The following CCDC146 variants were observed in gnomAD, a reference collection of about 807,000 sequenced individuals.
CCDC146 encodes the protein coiled-coil domain-containing protein 146.
Under a neutral mutation model 119.3 loss-of-function variants are expected in CCDC146, and 92 were observed. The ratio of observed to expected loss-of-function variants is 0.77; its 90% CI spans 0.65 to 0.92. CCDC146 has a LOEUF of 0.92. Ranked by LOEUF, CCDC146 falls within the 40% of genes least tolerant of loss-of-function variation. The pLI is 0.00. For missense variants in CCDC146, 1,000 were observed against 1,103.0 expected, an observed-to-expected ratio of 0.91 and a Z score of 1.32; for synonymous variants, 372 against 371.8, an observed-to-expected ratio of 1.00 and a Z score of -0.01.
At chr7:77,242,408 T>A in intron 4 of CCDC146, 28 of 985,196 alleles carry the variant, frequency 2.8e-5, no homozygotes, top group Non-Finnish European at 3.3e-5. Context: ...TACTAGATTG[T>A]TCCTCAGGAT....
chr7:77,162,688 A>G (rs1268994258), intron 1 of CCDC146, among the ~76,000 whole-genome samples: 2 of 151,770 alleles, frequency 1.3e-5, no homozygotes, highest in Non-Finnish European at 2.9e-5. Flanking sequence ...GTGCCATTGG[A>G]ATTTTATAGG....
At chr7:77,234,411 C>T (rs978083436) in intron 2 of CCDC146, among the ~76,000 whole-genome samples, 1 of 152,136 alleles carries the variant, frequency 6.6e-6, no homozygotes, top group African/African-American at 2.4e-5. Context: ...AACATTAAGT[C>T]GACTTACCAA....
intron 1 of CCDC146, among the ~76,000 whole-genome samples, chr7:77,148,845 G>A (rs1451245792): frequency 1.3e-5 from 2 of 152,066 alleles, no homozygotes; most frequent in Non-Finnish European, 2.9e-5. Flanking sequence ...CAAACAAATG[G>A]AAAAACATTC....
At chr7:77,174,635 G>A (rs1791476161) in intron 2 of CCDC146, among the ~76,000 whole-genome samples, 1 of 152,058 alleles carries the variant, frequency 6.6e-6, no homozygotes, top group Non-Finnish European at 1.5e-5. Flanking sequence ...GTGTCTAATG[G>A]GGGAGGTGCT....
chr7:77,208,542 T>C (rs1414121391), intron 2 of CCDC146, among the ~76,000 whole-genome samples: 1 of 152,208 alleles, frequency 6.6e-6, no homozygotes, highest in East Asian at 1.9e-4. Flanking sequence ...CTATATGTGG[T>C]TCACTGTTGA....
At chr7:77,132,563 A>G (rs1326077285) in intron 1 of CCDC146, among the ~76,000 whole-genome samples, 1 of 147,302 alleles carries the variant, frequency 6.8e-6, no homozygotes, top group Non-Finnish European at 1.5e-5. Context: ...CAAAAAAAAA[A>G]AAAAAAAAGA....
At chr7:77,271,150 G>T (rs1459876734) in intron 9 of CCDC146, among the ~76,000 whole-genome samples, 1 of 151,892 alleles carries the variant, frequency 6.6e-6, no homozygotes, top group Non-Finnish European at 1.5e-5. Context: ...TCCTGGGTGT[G>T]TCTGTGAAGG....
intron 3 of CCDC146, among the ~76,000 whole-genome samples, chr7:77,239,022 G>A (rs1384313887): frequency 6.6e-6 from 1 of 152,172 alleles, no homozygotes; most frequent in Non-Finnish European, 1.5e-5. Flanking sequence ...CATTCGTGCT[G>A]CTAGGACTAC....
intron 1 of CCDC146, among the ~76,000 whole-genome samples, chr7:77,146,131 G>T (rs1405995939): frequency 6.6e-6 from 1 of 151,938 alleles, no homozygotes; most frequent in Non-Finnish European, 1.5e-5. Flanking sequence ...ATTTAAGTTA[G>T]CTCTTCTTGT....
chr7:77,265,518 G>T (rs1204968917), intron 9 of CCDC146, among the ~76,000 whole-genome samples: 1 of 151,788 alleles, frequency 6.6e-6, no homozygotes, highest in Admixed American at 6.6e-5. Flanking sequence ...CTCAAGAAGG[G>T]TTATACATTG....
chr7:77,130,748 G>A (rs1375408352), intron 1 of CCDC146, among the ~76,000 whole-genome samples: 3 of 149,728 alleles, frequency 2.0e-5, no homozygotes, highest in African/African-American at 4.9e-5. Context: ...ACAGGCGCGC[G>A]CCACCATGCC....
intron 1 of CCDC146, among the ~76,000 whole-genome samples, chr7:77,161,940 A>G (rs111578744): frequency 0.17 from 25,893 of 152,010 alleles, 2,739 homozygotes; most frequent in South Asian, 0.33. Flanking sequence ...GGCCATTTGT[A>G]TGTTTTCTTC....
At chr7:77,217,852 A>G (rs3095475) in intron 2 of CCDC146, among the ~76,000 whole-genome samples, 10,378 of 152,220 alleles carry the variant, frequency 0.068, 537 homozygotes, top group Non-Finnish European at 0.093. Flanking sequence ...GTATCTAAAC[A>G]TAGAAAAGGT....
At chr7:77,224,354 CCTT>C (rs1454801177) in intron 2 of CCDC146, among the ~76,000 whole-genome samples, 6 of 152,142 alleles carry the variant, frequency 3.9e-5, no homozygotes, top group Non-Finnish European at 8.8e-5. Context: ...TAGGTCAAGT[CCTT>C]CTCATATTTC....
At chr7:77,277,111 G>A (rs1584139714) in intron 11 of CCDC146, among the ~76,000 whole-genome samples, 1 of 151,668 alleles carries the variant, frequency 6.6e-6, no homozygotes, top group Non-Finnish European at 1.5e-5. Flanking sequence ...GGAAGGGAGG[G>A]AGGGAAGGAA....
Position 77,260,147 on chromosome 7 carries a change from C to T in CCDC146, c.897C>T (p.Ala299=). 1 of 1,613,996 alleles carries T rather than the reference C, an allele frequency of 6.2e-7. No homozygotes were observed. ...TAAAGGAAGTTGAAGGCAAACGAGC[C>T]TTACTTGAAATCAAAGAACGAGAAC... is the stretch of plus-strand genomic sequence containing the variant. ...NVIKEVEGKR[A]LLEIKEREHN... Residue 299 remains alanine, a synonymous_variant, in exon 8 of 19, where the codon GCC becomes GCT. Coordinates refer to ENST00000285871, the MANE Select transcript of CCDC146 (RefSeq NM_020879.3).
chr7:77,144,921 T>A (rs1790992001), intron 1 of CCDC146, among the ~76,000 whole-genome samples: 1 of 151,860 alleles, frequency 6.6e-6, no homozygotes, highest in South Asian at 2.1e-4. Flanking sequence ...ATCAGGATGA[T>A]GCTGGCCTCA....
chr7:77,130,246 G>A (rs1319770790), intron 1 of CCDC146, among the ~76,000 whole-genome samples: 1 of 151,990 alleles, frequency 6.6e-6, no homozygotes, highest in Non-Finnish European at 1.5e-5. Flanking sequence ...GGATATATAG[G>A]GTACTATCCA....
chr7:77,237,089 G>T (rs752263423), intron 3 of CCDC146, 60 bp downstream of exon 3: 1 of 1,348,932 alleles, frequency 7.4e-7, no homozygotes, highest in South Asian at 1.2e-5. Flanking sequence ...TACTGGTGAT[G>T]AGACCTGTCT....
Sources: allele counts gnomAD v4.1 joint callset (sites outside exome capture counted in the v4.1 genomes callset), GRCh38; gene constraint gnomAD v4.1.1; transcripts MANE v1.5; gene names NCBI Gene and HGNC (gene_info 2026-07-23, HGNC 2026-07-21).